Variants in TPD52 observed in about 807,000 individuals in gnomAD.
TPD52 encodes prostate and colon associated protein.
TPD52 carries 17 observed loss-of-function variants against 31.3 expected under a neutral mutation model. That is an observed-to-expected ratio of 0.54 (90% CI 0.37 to 0.82). The LOEUF is 0.82. Ranked by LOEUF, TPD52 falls within the 40% of genes least tolerant of loss-of-function variation. The pLI is 0.00. For missense variants in TPD52, 212 were observed against 240.1 expected, an observed-to-expected ratio of 0.88 and a Z score of 0.77; for synonymous variants, 83 against 89.6, an observed-to-expected ratio of 0.93 and a Z score of 0.42.
chr8:80,171,007 G>C (rs1485993427), intron 1 of TPD52: 8 of 425,820 alleles, frequency 1.9e-5, no homozygotes, highest in South Asian at 6.1e-5. Flanking sequence ...ATGAGGGAGA[G>C]AGGGGTTTCC....
At chr8:80,031,603 A>G (rs1809695048), downstream of TPD52, among the ~76,000 whole-genome samples, 1 of 152,164 alleles carries the variant, frequency 6.6e-6, no homozygotes, top group African/African-American at 2.4e-5. Context: ...TACACTTGTA[A>G]TCCCAGCACT....
chr8:80,121,577 C>A (rs1190552524), intron 1 of TPD52, among the ~76,000 whole-genome samples: 1 of 152,202 alleles, frequency 6.6e-6, no homozygotes, highest in Non-Finnish European at 1.5e-5. Flanking sequence ...AACTAATCCC[C>A]TGAAACCTCA....
chr8:80,142,709 A>G (rs969486553), intron 1 of TPD52, among the ~76,000 whole-genome samples: 4 of 152,060 alleles, frequency 2.6e-5, no homozygotes, highest in Non-Finnish European at 5.9e-5. Context: ...CACAAAAAGA[A>G]AGCACAATCA....
intron 1 of TPD52, among the ~76,000 whole-genome samples, chr8:80,128,055 G>C (rs947603330): frequency 6.6e-6 from 1 of 151,616 alleles, no homozygotes; most frequent in Non-Finnish European, 1.5e-5. Flanking sequence ...TGCTGAAAAT[G>C]TCAAAGGCTA....
At chr8:80,124,994 A>G (rs768871753) in intron 1 of TPD52, among the ~76,000 whole-genome samples, 3 of 152,236 alleles carry the variant, frequency 2.0e-5, no homozygotes, top group Non-Finnish European at 2.9e-5. Flanking sequence ...CTGATACATC[A>G]TTATCACCCA....
rs540702713 is a variant in TPD52 at position 80,101,805 on chromosome 8, T to C, written c.20-37212A>G. Among the ~76,000 whole-genome samples, 14 of 152,290 alleles carry C rather than the reference T, an allele frequency of 9.2e-5. No homozygotes were observed. In the South Asian group the frequency reaches 2.7e-3, roughly 29 times the overall value. On this transcript the variant is annotated intron_variant, in intron 1 of 7. Coordinates refer to ENST00000518937, the MANE Select transcript of TPD52 (RefSeq NM_001025253.3). ...AGTCATTCATGAAGGATCCCCCCCATGACCCAAACACCTCCCATGAGGCCA... is the reference window on the plus strand; with the variant it reads ...AGTCATTCATGAAGGATCCCCCCCACGACCCAAACACCTCCCATGAGGCCA...
At chr8:80,085,201 T>C (rs999308959) in intron 1 of TPD52, among the ~76,000 whole-genome samples, 3 of 152,306 alleles carry the variant, frequency 2.0e-5, no homozygotes, top group Admixed American at 1.3e-4. Context: ...CGCACCACTA[T>C]GCCAGCAGAG....
intron 1 of TPD52, chr8:80,064,876 G>C (rs766506993): frequency 1.7e-6 from 1 of 572,034 alleles, no homozygotes; most frequent in South Asian, 1.5e-5. Context: ...TGGCAGAAGA[G>C]TGAAGGGCCC....
At chr8:80,123,942 C>T (rs745593224) in intron 1 of TPD52, among the ~76,000 whole-genome samples, 11 of 152,252 alleles carry the variant, frequency 7.2e-5, no homozygotes, top group Middle Eastern at 3.4e-3. Context: ...GAAGGAAAGG[C>T]AAGCAGGTGG....
intron 2 of TPD52, among the ~76,000 whole-genome samples, chr8:80,060,162 G>T (rs1812363001): frequency 7.0e-6 from 1 of 142,450 alleles, no homozygotes; most frequent in South Asian, 2.3e-4. Context: ...AAAAAAGAGA[G>T]AGAAGGCATA....
At position 80,051,622 on chromosome 8, in the gene TPD52, CT is replaced by C; in HGVS notation, c.290del (p.Lys97ArgfsTer32). On this transcript the variant is annotated frameshift_variant, in exon 4 of 8. Coordinates refer to ENST00000518937, the MANE Select transcript of TPD52 (RefSeq NM_001025253.3). LOFTEE classifies it high-confidence loss of function. Reference sequence around the variant, plus strand: ...CCTGGGATAAGGTTTCAGATGTCTTCTTGTAACTATATTAAATTATAAACAC... The same window carrying C: ...CCTGGGATAAGGTTTCAGATGTCTTCTGTAACTATATTAAATTATAAACAC... Reference protein sequence around the residue: ...WQDVTATSAYKKTSETLSQAG... With the variant: ...WQDVTATSAYXKTSETLSQAG... The C allele has an allele frequency of 6.3e-7, 1 of 1,596,940 alleles. No homozygotes were observed. The highest frequency in any genetic ancestry group is 2.2e-5 in the East Asian group (1 of 44,528).
intron 1 of TPD52, among the ~76,000 whole-genome samples, chr8:80,168,294 G>A (rs932137408): frequency 6.6e-6 from 1 of 152,188 alleles, no homozygotes; most frequent in African/African-American, 2.4e-5. Flanking sequence ...ACAATCAGTA[G>A]CAAGAACAGA....
At chr8:80,132,031 T>C (rs1437088485) in intron 1 of TPD52, among the ~76,000 whole-genome samples, 1 of 135,110 alleles carries the variant, frequency 7.4e-6, no homozygotes, top group Non-Finnish European at 1.5e-5. Flanking sequence ...TTTCTTTCTT[T>C]CTTTTTTTTT....
intron 7 of TPD52, chr8:80,042,253 T>G (rs974632961): frequency 4.3e-5 from 42 of 985,356 alleles, no homozygotes; most frequent in Non-Finnish European, 4.8e-5. Context: ...ACCAATTTTT[T>G]GTTTTCTTTC....
intron 1 of TPD52, among the ~76,000 whole-genome samples, chr8:80,097,246 G>T (rs556871142): frequency 1.3e-5 from 2 of 152,338 alleles, no homozygotes; most frequent in South Asian, 2.1e-4. Flanking sequence ...TCTGAAGCTA[G>T]CAGAGGTTGG....
chr8:80,156,462 G>A (rs1478259883), intron 1 of TPD52, among the ~76,000 whole-genome samples: 2 of 152,200 alleles, frequency 1.3e-5, no homozygotes, highest in East Asian at 3.8e-4. Flanking sequence ...ACACCTTTTG[G>A]AGGGAGGAGT....
At chr8:80,147,931 G>A (rs546088915) in intron 1 of TPD52, among the ~76,000 whole-genome samples, 58 of 151,962 alleles carry the variant, frequency 3.8e-4, no homozygotes, top group African/African-American at 1.3e-3. Flanking sequence ...GCCAATGCTT[G>A]TAAAGATAAA....
chr8:80,136,980 T>C (rs1809478907), intron 1 of TPD52, among the ~76,000 whole-genome samples: 1 of 152,202 alleles, frequency 6.6e-6, no homozygotes, highest in Non-Finnish European at 1.5e-5. Context: ...AAAACTCCCT[T>C]ATCACTCTTA....
intron 1 of TPD52, chr8:80,080,207 A>G (rs78243626): frequency 0.021 from 20,753 of 972,532 alleles, 295 homozygotes; most frequent in Non-Finnish European, 0.027. Context: ...TTACAACCCA[A>G]CACCACCCTG....
Sources: allele counts gnomAD v4.1 joint callset (sites outside exome capture counted in the v4.1 genomes callset), GRCh38; gene constraint gnomAD v4.1.1; transcripts MANE v1.5; gene names NCBI Gene and HGNC (gene_info 2026-07-23, HGNC 2026-07-21).